COL28A1: variants seen among roughly 807,000 people sequenced by gnomAD.
The protein encoded by COL28A1 is collagen type XXVIII alpha 1 chain, also known as collagen alpha-1(XXVIII) chain.
A neutral mutation model predicts 150.2 loss-of-function variants in COL28A1; 161 were observed. The ratio of observed to expected loss-of-function variants is 1.07; its 90% CI spans 0.94 to 1.22. The LOEUF is 1.22. Ranked by LOEUF, COL28A1 falls within the 50% of genes most tolerant of loss-of-function variation. COL28A1 has a pLI of 0.00. For synonymous variants in COL28A1, 552 were observed against 469.7 expected (o/e 1.18, Z -2.26); for missense variants, 1,617 against 1,388.3 (o/e 1.16, Z -2.62).
At chr7:7,376,682 T>C (rs370288323) in intron 30 of COL28A1, among the ~76,000 whole-genome samples, 1 of 151,224 alleles carries the variant, frequency 6.6e-6, no homozygotes. Context: ...AAAGGGGAAA[T>C]ATATGTATTT....
intron 27 of COL28A1, among the ~76,000 whole-genome samples, chr7:7,385,206 T>C (rs1347088729): frequency 6.6e-6 from 1 of 152,248 alleles, no homozygotes; most frequent in Non-Finnish European, 1.5e-5. Flanking sequence ...AAATTTGTTT[T>C]CTCAGATTTT....
intron 15 of COL28A1, among the ~76,000 whole-genome samples, chr7:7,472,434 A>T (rs12666029): frequency 1.6e-4 from 24 of 152,230 alleles, no homozygotes; most frequent in South Asian, 4.1e-4. Context: ...CTGCAAAAAA[A>T]AAAATAAAAT....
At chr7:7,521,711 A>G (rs781350301) in intron 5 of COL28A1, among the ~76,000 whole-genome samples, 194 bp downstream of exon 5, 5 of 152,246 alleles carry the variant, frequency 3.3e-5, no homozygotes, top group Non-Finnish European at 7.3e-5. Flanking sequence ...CAGGTCAGTA[A>G]AATCCCAGGC....
intron 3 of COL28A1, among the ~76,000 whole-genome samples, chr7:7,525,615 G>A (rs1296582594): frequency 6.6e-6 from 1 of 152,176 alleles, no homozygotes; most frequent in African/African-American, 2.4e-5. Flanking sequence ...TAACAAGGAA[G>A]TTAAATAAGA....
upstream of COL28A1, among the ~76,000 whole-genome samples, chr7:7,537,409 AT>A (rs546771472): frequency 8.5e-5 from 13 of 152,194 alleles, no homozygotes; most frequent in African/African-American, 2.7e-4. Flanking sequence ...CAGGAATTGA[AT>A]TTTTTTTCTC....
chr7:7,516,462 C>G (rs1401898314), intron 7 of COL28A1, among the ~76,000 whole-genome samples: 1 of 152,158 alleles, frequency 6.6e-6, no homozygotes, highest in Non-Finnish European at 1.5e-5. Context: ...TGTGTGTCAC[C>G]CTTGGGAATC....
intron 11 of COL28A1, among the ~76,000 whole-genome samples, chr7:7,505,666 G>A (rs1400504174): frequency 6.6e-6 from 1 of 151,826 alleles, no homozygotes; most frequent in South Asian, 2.1e-4. Context: ...TTACATTTGA[G>A]AAATAGAGTG....
chr7:7,342,253 A>G, the COL28A1 span, among the ~76,000 whole-genome samples: 6 of 152,126 alleles, frequency 3.9e-5, no homozygotes, highest in South Asian at 2.1e-4. Flanking sequence ...ATATAACTAC[A>G]CCAACATTCA....
chr7:7,422,883 G>A (rs1403220034), intron 25 of COL28A1, among the ~76,000 whole-genome samples: 2 of 152,138 alleles, frequency 1.3e-5, no homozygotes, highest in African/African-American at 2.4e-5. Flanking sequence ...CAGCAAATCC[G>A]CAAGTACAAA....
At chr7:7,529,825 T>TG (rs569807500) in intron 3 of COL28A1, among the ~76,000 whole-genome samples, 26 of 152,188 alleles carry the variant, frequency 1.7e-4, no homozygotes, top group Non-Finnish European at 3.5e-4. Context: ...TGTTCAGTGG[T>TG]GAGGACCCCT....
At chr7:7,515,051 C>A (rs1781346191) in intron 8 of COL28A1, among the ~76,000 whole-genome samples, 1 of 152,188 alleles carries the variant, frequency 6.6e-6, no homozygotes, top group Non-Finnish European at 1.5e-5. Context: ...AGACTCAGAG[C>A]TGGACCCTCT....
At chr7:7,343,613 T>C in the COL28A1 span, among the ~76,000 whole-genome samples, 1 of 151,844 alleles carries the variant, frequency 6.6e-6, no homozygotes, top group African/African-American at 2.4e-5. Context: ...AATATTATAA[T>C]ATATGTGAGT....
At position 7,495,546 on chromosome 7, in the gene COL28A1, C is replaced by T. The variant is rs143636376; in HGVS notation, c.1027-4900G>A. 1.2e-3 allele frequency among the ~76,000 whole-genome samples: 186 copies of T among 152,248 alleles called. 2 individuals are homozygous for T. The highest frequency in any genetic ancestry group is 4.1e-3 in the African/African-American group (171 of 41,542). ...CAATATAGTCATCTTCCAGCCCTTC[C>T]CACCTCAGGGAAGGGCACCAGAATC... On this transcript the variant is annotated intron_variant, in intron 11 of 34. Transcript: ENST00000399429.
rs927925955 is a variant in COL28A1, at chr7:7,491,114, G to A, written c.1027-468C>T. Among the ~76,000 whole-genome samples, 5 of 152,150 alleles carry A rather than the reference G, an allele frequency of 3.3e-5. No homozygotes were observed. The East Asian group carries it at 7.7e-4, about 23-fold the overall frequency. ...AGACATATTTTGTTTCCTCCCCTGC[G>A]GCTGTCCTTTCTCAGCTTTCCTTCC... On this transcript the variant is annotated intron_variant, in intron 11 of 34. Transcript: ENST00000399429.
chr7:7,543,009 G>A, the COL28A1 span, among the ~76,000 whole-genome samples: 1 of 152,140 alleles, frequency 6.6e-6, no homozygotes, highest in East Asian at 1.9e-4. Flanking sequence ...GGGGAAAAAA[G>A]TGTATTGTAC....
Position 7,380,653 on chromosome 7 carries a change from T to C in COL28A1, c.2322+7A>G, listed in dbSNP as rs766693667. 2.5e-6 allele frequency: 4 copies of C among 1,612,480 alleles called. No individual in the cohort carries two copies. Among genetic ancestry groups the C allele is most frequent in the Non-Finnish European group, 3.4e-6 (4 of 1,178,580 alleles). ...ACCCTCAATTACCCTCTAGAATGGA[T>C]ACTCACTGTAAGTCCTAGGTCTCCT... On this transcript the variant is annotated splice_region_variant and intron_variant, in intron 30 of 34. Coordinates refer to ENST00000399429, the MANE Select transcript of COL28A1 (RefSeq NM_001037763.3).
At chr7:7,340,657 T>C in the COL28A1 span, among the ~76,000 whole-genome samples, 15 of 152,148 alleles carry the variant, frequency 9.9e-5, no homozygotes, top group Non-Finnish European at 1.6e-4. Flanking sequence ...TCTTTTTTTT[T>C]CCCCCTAAGC....
intron 33 of COL28A1, among the ~76,000 whole-genome samples, chr7:7,370,037 T>TA (rs1195724246): frequency 6.6e-6 from 1 of 152,102 alleles, no homozygotes; most frequent in South Asian, 2.1e-4. Context: ...ATTTTCTCCT[T>TA]AAAAAAACTA....
At chr7:7,503,088 G>T (rs1383714681) in intron 11 of COL28A1, among the ~76,000 whole-genome samples, 10 of 152,176 alleles carry the variant, frequency 6.6e-5, no homozygotes. Context: ...AGGGAAGACA[G>T]ATAGAACTTC....
Sources: gnomAD v4.1 joint callset for allele counts (sites outside exome capture counted in the v4.1 genomes callset) on GRCh38, gnomAD v4.1.1 for gene constraint, MANE v1.5 for transcripts, NCBI Gene and HGNC (gene_info 2026-07-23, HGNC 2026-07-21) for gene names.